Variants in FCHO2 observed in about 807,000 individuals in gnomAD.
The protein encoded by FCHO2 is FCH and mu domain containing endocytic adaptor 2.
In FCHO2, 43 loss-of-function variants were observed where a neutral mutation model predicts 114.1. The ratio of observed to expected loss-of-function variants is 0.38; its 90% CI spans 0.30 to 0.49. The LOEUF is 0.49. FCHO2 is among the 20% of genes least tolerant of loss of function. The pLI is 0.97. For missense variants in FCHO2, 807 were observed against 950.4 expected, an observed-to-expected ratio of 0.85 and a Z score of 1.98; for synonymous variants, 293 against 315.2, an observed-to-expected ratio of 0.93 and a Z score of 0.75.
intron 16 of FCHO2, among the ~76,000 whole-genome samples, 165 bp from the exon 17 acceptor site, chr5:73,058,268 C>T (rs1215786225): frequency 1.3e-5 from 2 of 152,062 alleles, no homozygotes; most frequent in African/African-American, 2.4e-5. Context: ...GCCTGAGCCT[C>T]CAGAAGTGTT....
intron 5 of FCHO2, 28 bp from the exon 6 acceptor site, chr5:73,006,417 A>G: frequency 7.2e-7 from 1 of 1,394,940 alleles, no homozygotes; most frequent in Admixed American, 3.2e-5. Flanking sequence ...ATGCACAGTT[A>G]AAAGTTTTTT....
intron 1 of FCHO2, among the ~76,000 whole-genome samples, chr5:72,963,465 A>G (rs1751986357): frequency 6.6e-6 from 1 of 152,090 alleles, no homozygotes; most frequent in South Asian, 2.1e-4. Context: ...GTGTCTTGGT[A>G]TTTTCAGTTG....
chr5:72,957,023 GA>G (rs1476334495), intron 1 of FCHO2, among the ~76,000 whole-genome samples: 6 of 151,826 alleles, frequency 4.0e-5, no homozygotes, highest in African/African-American at 1.2e-4. Context: ...CATTTTCGTT[GA>G]GATTTAGACA....
chr5:72,979,330 T>G (rs1753052098), intron 2 of FCHO2, among the ~76,000 whole-genome samples: 1 of 151,436 alleles, frequency 6.6e-6, no homozygotes, highest in Non-Finnish European at 1.5e-5. Context: ...TCTTCCTGGT[T>G]TAGACCTGGG....
intron 11 of FCHO2, among the ~76,000 whole-genome samples, chr5:73,042,162 A>G (rs1457720954): frequency 6.6e-6 from 1 of 152,168 alleles, no homozygotes; most frequent in Non-Finnish European, 1.5e-5. Context: ...TACAATTATG[A>G]TTTGTTAACA....
intron 5 of FCHO2, among the ~76,000 whole-genome samples, chr5:72,995,835 G>A (rs1297904766): frequency 4.6e-5 from 7 of 151,930 alleles, no homozygotes; most frequent in African/African-American, 7.3e-5. Flanking sequence ...CTTCATGACC[G>A]ACTCATCTAT....
intron 19 of FCHO2, among the ~76,000 whole-genome samples, chr5:73,069,129 T>G (rs1442925859): frequency 6.6e-6 from 1 of 152,134 alleles, no homozygotes; most frequent in Non-Finnish European, 1.5e-5. Context: ...AATAGTGTTT[T>G]GAAAATGATT....
chr5:73,085,853 G>A (rs1450748428), intron 24 of FCHO2, among the ~76,000 whole-genome samples: 5 of 151,262 alleles, frequency 3.3e-5, no homozygotes, highest in Admixed American at 6.6e-5. Flanking sequence ...GGCTGGGCAC[G>A]GTGGCTCACA....
intron 2 of FCHO2, among the ~76,000 whole-genome samples, chr5:72,976,267 C>T (rs1309570614): frequency 1.3e-5 from 2 of 152,006 alleles, no homozygotes; most frequent in African/African-American, 4.8e-5. Context: ...TTTGTAGAGG[C>T]AAGGTCTTGC....
intron 15 of FCHO2, chr5:73,055,150 C>A: frequency 1.0e-5 from 3 of 291,822 alleles, no homozygotes; most frequent in South Asian, 3.0e-5. Context: ...ATAATAAATA[C>A]CAAAATAAAA....
intron 2 of FCHO2, among the ~76,000 whole-genome samples, chr5:72,978,164 A>G (rs1245302556): frequency 1.3e-5 from 2 of 152,238 alleles, no homozygotes; most frequent in Non-Finnish European, 2.9e-5. Flanking sequence ...TGATTGCTTG[A>G]TGAGGATAGC....
At chr5:73,011,577 GTAC>G (rs1217892740) in intron 6 of FCHO2, among the ~76,000 whole-genome samples, 1 of 151,828 alleles carries the variant, frequency 6.6e-6, no homozygotes, top group Non-Finnish European at 1.5e-5. Context: ...TCCACATCTT[GTAC>G]TACTGGAAGG....
chr5:73,047,834 TTTTA>T (rs148840267), intron 11 of FCHO2, among the ~76,000 whole-genome samples: 3 of 152,062 alleles, frequency 2.0e-5, no homozygotes, highest in Non-Finnish European at 4.4e-5. Context: ...TATTTTTATT[TTTTA>T]TTTATTTATT....
At chr5:73,078,439 A>G (rs772774820) in intron 22 of FCHO2, 127 bp downstream of exon 22, 5 of 909,682 alleles carry the variant, frequency 5.5e-6, no homozygotes, top group Non-Finnish European at 8.2e-6. Flanking sequence ...TTTTGAAATT[A>G]GAAAATCTGT....
chr5:73,012,567 C>T (rs958964787), intron 6 of FCHO2, among the ~76,000 whole-genome samples: 2 of 148,634 alleles, frequency 1.3e-5, no homozygotes, highest in Admixed American at 6.8e-5. Context: ...TGCAGTGAGC[C>T]GAGATCACGC....
At chr5:73,048,347 G>A (rs1178159703) in intron 11 of FCHO2, among the ~76,000 whole-genome samples, 2 of 152,046 alleles carry the variant, frequency 1.3e-5, no homozygotes, top group Non-Finnish European at 2.9e-5. Context: ...CTGTTAGGGA[G>A]GCTGAGGAAG....
chr5:73,002,033 A>G (rs1336820736), intron 5 of FCHO2, among the ~76,000 whole-genome samples: 1 of 152,216 alleles, frequency 6.6e-6, no homozygotes, highest in African/African-American at 2.4e-5. Context: ...GGTACGCTTC[A>G]TAAAACTTCT....
intron 8 of FCHO2, among the ~76,000 whole-genome samples, chr5:73,018,497 G>A (rs1755432491): frequency 6.6e-6 from 1 of 151,140 alleles, no homozygotes; most frequent in Non-Finnish European, 1.5e-5. Flanking sequence ...ATCTCGAGCT[G>A]ACCAGATTTT....
At chr5:73,053,934 A>G (rs1275891093) in intron 13 of FCHO2, among the ~76,000 whole-genome samples, 5 of 152,200 alleles carry the variant, frequency 3.3e-5, no homozygotes, top group Non-Finnish European at 7.4e-5. Flanking sequence ...CATACTATGA[A>G]AATAATAATC....
Sources: gnomAD v4.1 joint callset for allele counts (sites outside exome capture counted in the v4.1 genomes callset) on GRCh38, gnomAD v4.1.1 for gene constraint, MANE v1.5 for transcripts, NCBI Gene and HGNC (gene_info 2026-07-23, HGNC 2026-07-21) for gene names.